ULK4: variants seen among roughly 807,000 people sequenced by gnomAD.
ULK4 encodes the protein unc-51 like kinase 4, also known as inactive serine/threonine-protein kinase ULK4.
A neutral mutation model predicts 160.6 loss-of-function variants in ULK4; 133 were observed. The ratio of observed to expected loss-of-function variants is 0.83; its 90% CI spans 0.72 to 0.96. The LOEUF is 0.96. Ranked by LOEUF, ULK4 falls within the 40% of genes least tolerant of loss-of-function variation. ULK4 has a pLI of 0.00. For missense variants in ULK4, 1,580 were observed against 1,499.5 expected (o/e 1.05, Z -0.89); for synonymous variants, 534 against 539.8 (o/e 0.99, Z 0.15).
chr3:41,370,191 A>G lies in ULK4; in HGVS notation c.3678+27888T>C, dbSNP rs140629389. The stretch of plus-strand genomic sequence containing the variant: ...GGCTTAGTTTCTTGACATGACAATG[A>G]AGGAATTAAAAAAAAAAGCAAGTGG... On this transcript the variant is annotated intron_variant, in intron 35 of 36. Coordinates refer to ENST00000301831, the MANE Select transcript of ULK4 (RefSeq NM_017886.4). 1.0e-2 allele frequency among the ~76,000 whole-genome samples: 1,522 copies of G among 152,268 alleles called. 15 individuals are homozygous for G. The highest frequency in any genetic ancestry group is 0.027 in the African/African-American group (1,113 of 41,546).
chr3:41,821,697 G>C (rs906491362), intron 18 of ULK4, among the ~76,000 whole-genome samples: 3 of 151,954 alleles, frequency 2.0e-5, no homozygotes, highest in Non-Finnish European at 4.4e-5. Context: ...ATCTCATTTT[G>C]AAAACAAGAC....
chr3:41,368,066 G>A (rs1409568566), intron 35 of ULK4, among the ~76,000 whole-genome samples: 4 of 145,088 alleles, frequency 2.8e-5, no homozygotes, highest in Non-Finnish European at 4.5e-5. Context: ...TTTTTTTTTC[G>A]AGATGGAGTC....
At chr3:41,587,851 A>AT (rs1355847066) in intron 31 of ULK4, among the ~76,000 whole-genome samples, 2 of 152,222 alleles carry the variant, frequency 1.3e-5, no homozygotes, top group East Asian at 1.9e-4. Context: ...AGCACTTATA[A>AT]TTTTTTAGCA....
At chr3:41,695,932 C>A (rs572530716) in intron 27 of ULK4, among the ~76,000 whole-genome samples, 1 of 152,226 alleles carries the variant, frequency 6.6e-6, no homozygotes, top group South Asian at 2.1e-4. Flanking sequence ...GAGAAGTGAC[C>A]AGAAGACAAG....
chr3:41,773,304 C>T (rs2039473845), intron 21 of ULK4, among the ~76,000 whole-genome samples: 1 of 152,102 alleles, frequency 6.6e-6, no homozygotes, highest in African/African-American at 2.4e-5. Flanking sequence ...GATGACTTGA[C>T]TGTATATCTA....
chr3:41,824,163 T>TTTA (rs555935496), intron 18 of ULK4, among the ~76,000 whole-genome samples: 9 of 117,810 alleles, frequency 7.6e-5, no homozygotes, highest in African/African-American at 7.1e-5. Flanking sequence ...ACTCTATCTT[T>TTTA]AAAAAAAAAA....
At chr3:41,619,447 AT>A (rs2033137275) in intron 30 of ULK4, among the ~76,000 whole-genome samples, 1 of 152,224 alleles carries the variant, frequency 6.6e-6, no homozygotes, top group Admixed American at 6.5e-5. Flanking sequence ...GTGCAATCAA[AT>A]TCAGGATTAA....
chr3:41,498,883 C>T (rs150658601), intron 32 of ULK4, among the ~76,000 whole-genome samples: 58 of 152,266 alleles, frequency 3.8e-4, no homozygotes, highest in African/African-American at 1.4e-3. Context: ...GCGTGAGCCA[C>T]TGTCTGGCCG....
chr3:41,589,189 C>CGTA (rs2031063741), intron 31 of ULK4, among the ~76,000 whole-genome samples: 1 of 151,704 alleles, frequency 6.6e-6, no homozygotes, highest in Non-Finnish European at 1.5e-5. Context: ...GTGAACCTAC[C>CGTA]ACTGACCAGG....
At chr3:41,326,840 C>T (rs1191819549) in intron 35 of ULK4, among the ~76,000 whole-genome samples, 2 of 152,142 alleles carry the variant, frequency 1.3e-5, no homozygotes, top group Non-Finnish European at 1.5e-5. Context: ...CATCCATTAG[C>T]CAGCCTAGCA....
intron 31 of ULK4, among the ~76,000 whole-genome samples, chr3:41,603,832 T>C (rs1157714190): frequency 1.3e-5 from 2 of 152,150 alleles, no homozygotes; most frequent in Non-Finnish European, 2.9e-5. Flanking sequence ...ATAATACAAC[T>C]ACAGACCAAT....
intron 32 of ULK4, among the ~76,000 whole-genome samples, chr3:41,505,118 A>G (rs796303563): frequency 2.6e-5 from 4 of 152,204 alleles, no homozygotes; most frequent in Non-Finnish European, 4.4e-5. Context: ...CTGCATATAT[A>G]AACAGACATT....
At chr3:41,634,235 T>A (rs1459772343) in intron 30 of ULK4, among the ~76,000 whole-genome samples, 2 of 152,164 alleles carry the variant, frequency 1.3e-5, no homozygotes, top group African/African-American at 4.8e-5. Context: ...GTCCTTGTGC[T>A]TTTGCCTGAC....
intron 32 of ULK4, among the ~76,000 whole-genome samples, chr3:41,496,982 C>T (rs1344511586): frequency 6.6e-6 from 1 of 151,292 alleles, no homozygotes; most frequent in East Asian, 1.9e-4. Context: ...CCAGAACTGC[C>T]ACCATGCAAT....
intron 30 of ULK4, among the ~76,000 whole-genome samples, chr3:41,625,497 T>C (rs1406730032): frequency 3.3e-5 from 5 of 152,104 alleles, no homozygotes; most frequent in Admixed American, 2.0e-4. Context: ...GCACCCTTCA[T>C]TTGATGCAGT....
At chr3:41,441,591 T>A (rs563526649) in intron 34 of ULK4, among the ~76,000 whole-genome samples, 1 of 152,248 alleles carries the variant, frequency 6.6e-6, no homozygotes, top group Non-Finnish European at 1.5e-5. Context: ...ATTCTTAAGT[T>A]TGAGGCTTGT....
At chr3:41,437,002 T>A (rs1213250130) in intron 34 of ULK4, among the ~76,000 whole-genome samples, 1 of 152,196 alleles carries the variant, frequency 6.6e-6, no homozygotes, top group African/African-American at 2.4e-5. Flanking sequence ...ACATTCAAGA[T>A]AAAGTTTTAT....
At chr3:41,438,939 C>T (rs182570005) in intron 34 of ULK4, among the ~76,000 whole-genome samples, 1 of 150,648 alleles carries the variant, frequency 6.6e-6, no homozygotes. Flanking sequence ...TTAGCATAAT[C>T]CTTATAGCAA....
At chr3:41,420,841 C>T (rs1013409607) in intron 34 of ULK4, among the ~76,000 whole-genome samples, 16 of 149,888 alleles carry the variant, frequency 1.1e-4, no homozygotes, top group African/African-American at 3.4e-4. Flanking sequence ...CGGCCAGACG[C>T]GGTGGCTTGC....
Sources: allele counts gnomAD v4.1 joint callset (sites outside exome capture counted in the v4.1 genomes callset), GRCh38; gene constraint gnomAD v4.1.1; transcripts MANE v1.5; gene names NCBI Gene and HGNC (gene_info 2026-07-23, HGNC 2026-07-21).